POLK: variants seen among roughly 807,000 people sequenced by gnomAD.
The protein encoded by POLK is polymerase (DNA directed) kappa.
POLK carries 76 observed loss-of-function variants against 94.0 expected under a neutral mutation model. The ratio of observed to expected loss-of-function variants is 0.81; its 90% confidence interval spans 0.67 to 0.98. POLK has a LOEUF of 0.98. Ranked by LOEUF, POLK falls within the 50% of genes least tolerant of loss-of-function variation. POLK has a pLI of 0.00. For missense variants in POLK, 954 were observed against 1,010.1 expected (o/e 0.94, Z 0.75); for synonymous variants, 349 against 325.4 (o/e 1.07, Z -0.78).
intron 13 of POLK, 83 bp from the exon 14 acceptor site, chr5:75,597,664 T>C: frequency 1.3e-6 from 1 of 754,406 alleles, no homozygotes; most frequent in Non-Finnish European, 2.1e-6. Context: ...ATCAATAAGT[T>C]TTAACTTTTT....
rs185973562 is a variant in POLK at position 75,585,714 on chromosome 5, A to G, written c.1226+788A>G. Among the ~76,000 whole-genome samples the G allele has an allele frequency of 1.8e-4, 28 of 152,318 alleles. 1 individual carries two copies. Among genetic ancestry groups the G allele is most frequent in the Admixed American group, 1.7e-3 (26 of 15,302 alleles). On this transcript the variant is annotated intron_variant, in intron 9 of 14. Coordinates refer to ENST00000241436, the Ensembl canonical transcript of POLK. ...TGTGGGATAGTAGGTGAAAAGAAGG[A>G]AATTTTAAAAGACTGGGAATCGTGG...
upstream of POLK, chr5:75,511,315 C>A (rs767483979): frequency 1.9e-6 from 3 of 1,549,944 alleles, no homozygotes; most frequent in South Asian, 2.4e-5. Flanking sequence ...GCGAAGAGTG[C>A]CCGCTCCGGT....
intron 1 of POLK, among the ~76,000 whole-genome samples, chr5:75,523,919 C>G (rs1007750471): frequency 5.9e-5 from 9 of 152,170 alleles, no homozygotes; most frequent in African/African-American, 2.2e-4. Context: ...CACCTGAGGT[C>G]AGGAGTTCAA....
intron 1 of POLK, among the ~76,000 whole-genome samples, chr5:75,530,405 T>TC (rs1205442357): frequency 1.3e-3 from 146 of 110,846 alleles, no homozygotes; most frequent in African/African-American, 4.7e-3. Flanking sequence ...TCTTTTTTTT[T>TC]TTTTTTTTTT....
intron 6 of POLK, among the ~76,000 whole-genome samples, chr5:75,579,920 C>T (rs766921865): frequency 9.4e-5 from 14 of 148,294 alleles, no homozygotes; most frequent in Non-Finnish European, 1.5e-4. Context: ...TGATGGCTCG[C>T]GCCTGTAGTC....
At chr5:75,531,029 G>A (rs1184352710) in intron 1 of POLK, among the ~76,000 whole-genome samples, 11 of 151,542 alleles carry the variant, frequency 7.3e-5, no homozygotes, top group Non-Finnish European at 1.3e-4. Context: ...GGATGGTCTC[G>A]ATCTCCTGAC....
intron 1 of POLK, among the ~76,000 whole-genome samples, chr5:75,514,616 G>T (rs1183629946): frequency 6.6e-6 from 1 of 152,216 alleles, no homozygotes. Context: ...TAATTGCCCA[G>T]ATCATCGCTA....
intron 8 of POLK, 101 bp downstream of exon 8, chr5:75,583,518 A>G (rs914355029): frequency 2.8e-5 from 18 of 632,058 alleles, no homozygotes; most frequent in Admixed American, 2.3e-4. Context: ...AAGTTTTAAA[A>G]TAATAGATAA....
chr5:75,518,444 A>G (rs1318345453), intron 1 of POLK, among the ~76,000 whole-genome samples: 2 of 152,114 alleles, frequency 1.3e-5, no homozygotes, highest in Non-Finnish European at 2.9e-5. Context: ...AATAGTATAT[A>G]ATGATTCTTT....
chr5:75,566,732 G>C (rs1293084653), intron 3 of POLK, among the ~76,000 whole-genome samples: 1 of 152,234 alleles, frequency 6.6e-6, no homozygotes, highest in Non-Finnish European at 1.5e-5. Context: ...AGGTGAGCCG[G>C]GTACCTCAGT....
At chr5:75,539,865 T>C (rs1318719837) in intron 1 of POLK, among the ~76,000 whole-genome samples, 3 of 152,228 alleles carry the variant, frequency 2.0e-5, no homozygotes, top group Non-Finnish European at 4.4e-5. Context: ...AGTGATAGAA[T>C]ACATATGAAG....
intron 1 of POLK, among the ~76,000 whole-genome samples, chr5:75,532,780 C>G (rs914402405): frequency 2.6e-5 from 4 of 152,144 alleles, no homozygotes; most frequent in African/African-American, 4.8e-5. Context: ...AATCACAATT[C>G]TGACTGGTGG....
intron 4 of POLK, 24 bp downstream of exon 4, chr5:75,569,516 A>T: frequency 6.3e-7 from 1 of 1,586,186 alleles, no homozygotes; most frequent in Non-Finnish European, 8.6e-7. Flanking sequence ...AAATACAAAA[A>T]GGAAATTTTA....
At position 75,564,381 on chromosome 5, in the gene POLK, A is replaced by G. The variant is rs1400064251; in HGVS notation, c.256-4959A>G. On this transcript the variant is annotated intron_variant, in intron 3 of 14. Transcript: ENST00000241436. ...ACTGATGGGTCTTGACTCTTTATCC[A>G]ATTTGCCAGTCTGTGTCTTTTAATT... is the stretch of plus-strand genomic sequence containing the variant. Among the ~76,000 whole-genome samples the G allele has an allele frequency of 2.6e-5, 4 of 152,026 alleles. No individual in the cohort carries two copies. In the East Asian group the frequency reaches 7.7e-4, roughly 29 times the overall value.
At chr5:75,575,099 T>G (rs1197882641) in intron 5 of POLK, among the ~76,000 whole-genome samples, 1 of 152,234 alleles carries the variant, frequency 6.6e-6, no homozygotes, top group Non-Finnish European at 1.5e-5. Flanking sequence ...TGAGTTCTTC[T>G]GTGTAAATGA....
chr5:75,558,226 TTTG>T (rs200546814), intron 3 of POLK, among the ~76,000 whole-genome samples: 3,784 of 152,008 alleles, frequency 0.025, 127 homozygotes, highest in African/African-American at 0.082. Context: ...TCTTATAATT[TTTG>T]TTGTTGTTTT....
intron 2 of POLK, among the ~76,000 whole-genome samples, chr5:75,551,423 AAAAGAT>A (rs1249509522): frequency 2.6e-5 from 4 of 152,116 alleles, no homozygotes; most frequent in Non-Finnish European, 5.9e-5. Flanking sequence ...AAAAAAAAGA[AAAAGAT>A]AGCAATGTGC....
rs1009083674 is a variant in POLK at position 75,546,408 on chromosome 5, G to A, written c.-13-602G>A. 1.5e-4 allele frequency among the ~76,000 whole-genome samples: 23 copies of A among 152,168 alleles called. No individual in the cohort carries two copies. The East Asian group carries it at 2.1e-3, about 14-fold the overall frequency. On this transcript the variant is annotated intron_variant, in intron 1 of 14. Coordinates refer to ENST00000241436, the Ensembl canonical transcript of POLK. ...TTTCTGTCTTGAGGGTGGCAGAAAC[G>A]GAAGAAATTCAAATATAAGTGGATC... is the stretch of plus-strand genomic sequence containing the variant.
intron 5 of POLK, among the ~76,000 whole-genome samples, chr5:75,574,872 T>C (rs1214605056): frequency 6.6e-6 from 1 of 152,246 alleles, no homozygotes; most frequent in Non-Finnish European, 1.5e-5. Context: ...GATAAAATAC[T>C]AATCATAAAT....
Sources: gnomAD v4.1 joint callset for allele counts (sites outside exome capture counted in the v4.1 genomes callset) on GRCh38, gnomAD v4.1.1 for gene constraint, MANE v1.5 for transcripts, NCBI Gene and HGNC (gene_info 2026-07-23, HGNC 2026-07-21) for gene names.